Variants in TENM3 observed in about 807,000 individuals in gnomAD.
The protein encoded by TENM3 is teneurin-3.
Under a neutral mutation model 255.1 loss-of-function variants are expected in TENM3, and 63 were observed. The observed-to-expected ratio is 0.25, with a 90% CI of 0.20 to 0.30. The LOEUF (loss-of-function observed/expected upper bound fraction) is 0.30, where lower values mean the gene tolerates loss of function less well. Ranked by LOEUF, TENM3 falls within the 10% of genes least tolerant of loss-of-function variation. The pLI is 1.00. For synonymous variants in TENM3, 1,306 were observed against 1,322.3 expected, an observed-to-expected ratio of 0.99 and a Z score of 0.27; for missense variants, 2,929 against 3,461.1, an observed-to-expected ratio of 0.85 and a Z score of 3.86.
the TENM3 span, among the ~76,000 whole-genome samples, chr4:181,555,551 T>C: frequency 6.6e-6 from 1 of 152,212 alleles, no homozygotes; most frequent in Non-Finnish European, 1.5e-5. Context: ...AAGTTAGTGA[T>C]CTCTGCTTCT....
intron 5 of TENM3, among the ~76,000 whole-genome samples, chr4:182,639,813 C>A (rs894067760): frequency 6.6e-6 from 1 of 152,086 alleles, no homozygotes; most frequent in Admixed American, 6.6e-5. Flanking sequence ...TAATTTGGAC[C>A]GGGTGTGGTG....
the TENM3 span, among the ~76,000 whole-genome samples, chr4:181,482,750 CTG>C: frequency 6.6e-6 from 1 of 152,106 alleles, no homozygotes; most frequent in Admixed American, 6.6e-5. Context: ...TGTTTTGTCT[CTG>C]TATTTTACCG....
chr4:181,863,755 T>C, the TENM3 span, among the ~76,000 whole-genome samples: 1 of 152,076 alleles, frequency 6.6e-6, no homozygotes, highest in African/African-American at 2.4e-5. Flanking sequence ...AGCCTCTTGA[T>C]TGTGGCTCAC....
the TENM3 span, among the ~76,000 whole-genome samples, chr4:181,511,817 G>T: frequency 6.6e-6 from 1 of 152,098 alleles, no homozygotes; most frequent in Non-Finnish European, 1.5e-5. Context: ...AAATGCCAGC[G>T]GGGTGTATCC....
At chr4:182,374,851 T>G (rs1767071799) in intron 3 of TENM3, among the ~76,000 whole-genome samples, 1 of 152,214 alleles carries the variant, frequency 6.6e-6, no homozygotes, top group Non-Finnish European at 1.5e-5. Context: ...TCAGGAAAAC[T>G]TAAATTCTCT....
chr4:182,543,666 C>CGT (rs1741128970), intron 3 of TENM3, among the ~76,000 whole-genome samples: 1 of 151,416 alleles, frequency 6.6e-6, no homozygotes, highest in Non-Finnish European at 1.5e-5. Flanking sequence ...AACATATTTT[C>CGT]ATATATATAT....
At chr4:181,590,523 C>T in the TENM3 span, among the ~76,000 whole-genome samples, 1 of 152,168 alleles carries the variant, frequency 6.6e-6, no homozygotes, top group African/African-American at 2.4e-5. Flanking sequence ...CAGCTAGGGG[C>T]ACCATCCTTT....
the TENM3 span, among the ~76,000 whole-genome samples, chr4:182,015,425 C>G: frequency 1.1e-3 from 161 of 152,344 alleles, no homozygotes; most frequent in African/African-American, 3.7e-3. Flanking sequence ...TAGCTTTTCT[C>G]TGTTTGGACT....
chr4:182,388,447 T>A lies in TENM3; in HGVS notation c.511+41518T>A, dbSNP rs151106348. Among the ~76,000 whole-genome samples, 81 of 152,372 alleles carry A rather than the reference T, an allele frequency of 5.3e-4. 1 individual carries two copies. The highest frequency in any genetic ancestry group is 1.8e-3 in the African/African-American group (75 of 41,598). The stretch of plus-strand genomic sequence containing the variant: ...TACATCTTTTGAATCCTTATTTTGT[T>A]TAATTCTCCAAAACAGTCTTGTGAA... On this transcript the variant is annotated intron_variant, in intron 3 of 27. Transcript: ENST00000511685.
chr4:182,076,593 A>C, the TENM3 span, among the ~76,000 whole-genome samples: 1 of 152,128 alleles, frequency 6.6e-6, no homozygotes, highest in Non-Finnish European at 1.5e-5. Flanking sequence ...GTTGTGCTGC[A>C]TGTTCTCTTC....
At chr4:182,035,114 T>C in the TENM3 span, among the ~76,000 whole-genome samples, 1 of 152,204 alleles carries the variant, frequency 6.6e-6, no homozygotes, top group Non-Finnish European at 1.5e-5. Flanking sequence ...TTGTGAGATA[T>C]TCTAAACAGT....
the TENM3 span, among the ~76,000 whole-genome samples, chr4:181,678,743 T>G: frequency 2.0e-5 from 3 of 151,886 alleles, no homozygotes; most frequent in African/African-American, 7.2e-5. Flanking sequence ...AAAAAATATT[T>G]GCTTAATTTT....
At chr4:182,477,775 T>A (rs981178311) in intron 3 of TENM3, among the ~76,000 whole-genome samples, 5 of 152,234 alleles carry the variant, frequency 3.3e-5, no homozygotes, top group Non-Finnish European at 7.3e-5. Context: ...TCATCTACTT[T>A]ATTTTTTAAT....
intron 3 of TENM3, among the ~76,000 whole-genome samples, chr4:182,457,077 C>T (rs185973608): frequency 3.3e-5 from 5 of 151,398 alleles, no homozygotes; most frequent in South Asian, 2.1e-4. Context: ...CCCAGCTACT[C>T]GGAAGGCTGA....
the TENM3 span, among the ~76,000 whole-genome samples, chr4:181,960,805 C>T: frequency 6.6e-6 from 1 of 152,138 alleles, no homozygotes; most frequent in Non-Finnish European, 1.5e-5. Flanking sequence ...TTTAAGCTTA[C>T]TTGACCACAT....
chr4:181,677,754 C>T, the TENM3 span, among the ~76,000 whole-genome samples: 1 of 152,090 alleles, frequency 6.6e-6, no homozygotes, highest in Non-Finnish European at 1.5e-5. Context: ...CCATGTCTTT[C>T]GTGATCTGGC....
At chr4:181,804,546 G>A in the TENM3 span, among the ~76,000 whole-genome samples, 1 of 152,260 alleles carries the variant, frequency 6.6e-6, no homozygotes, top group South Asian at 2.1e-4. Flanking sequence ...ATGAAAAGCA[G>A]GGTATTTGAT....
At chr4:181,501,530 A>G in the TENM3 span, among the ~76,000 whole-genome samples, 1 of 151,812 alleles carries the variant, frequency 6.6e-6, no homozygotes, top group Non-Finnish European at 1.5e-5. Flanking sequence ...GGCACCCGCC[A>G]CCACGTCTGG....
At chr4:182,352,585 A>G (rs939563383) in intron 3 of TENM3, among the ~76,000 whole-genome samples, 3 of 152,128 alleles carry the variant, frequency 2.0e-5, no homozygotes, top group African/African-American at 7.2e-5. Context: ...CTGAAGTATT[A>G]TGGGCTAATT....
Sources: gnomAD v4.1 joint callset for allele counts (sites outside exome capture counted in the v4.1 genomes callset) on GRCh38, gnomAD v4.1.1 for gene constraint, MANE v1.5 for transcripts, NCBI Gene and HGNC (gene_info 2026-07-23, HGNC 2026-07-21) for gene names.